RICTOR: variants seen among roughly 807,000 people sequenced by gnomAD.
RICTOR encodes the protein RPTOR independent companion of MTOR complex 2, also known as rapamycin-insensitive companion of mTOR.
Under a neutral mutation model 214.9 loss-of-function variants are expected in RICTOR, and 49 were observed. The observed-to-expected ratio is 0.23, with a 90% CI of 0.18 to 0.29. RICTOR has a LOEUF of 0.29. RICTOR is among the 10% of genes least tolerant of loss of function. RICTOR has a pLI of 1.00. For missense variants in RICTOR, 1,625 were observed against 2,047.0 expected (o/e 0.79, Z 3.98); for synonymous variants, 717 against 711.3 (o/e 1.01, Z -0.13).
chr5:39,004,571 C>T (rs1016487666), intron 3 of RICTOR, among the ~76,000 whole-genome samples: 5 of 151,644 alleles, frequency 3.3e-5, no homozygotes, highest in African/African-American at 4.8e-5. Context: ...GTGATTCTCC[C>T]GCCTCAGCCC....
intron 11 of RICTOR, chr5:38,970,519 C>T (rs780047621): frequency 3.9e-5 from 6 of 152,142 alleles, no homozygotes; most frequent in Admixed American, 6.5e-5. Context: ...CAGATCTTTC[C>T]ATTTATAATT....
chr5:38,954,887 A>G, intron 26 of RICTOR, 26 bp from the exon 27 acceptor site: 6 of 1,208,502 alleles, frequency 5.0e-6, no homozygotes, highest in Non-Finnish European at 7.2e-6. Context: ...TGATTACTAT[A>G]TCTCTTGGCT....
rs190447147 is a variant in RICTOR, at chr5:38,949,970, G to C, written c.3878C>G (p.Ser1293Cys). 10 of 1,613,542 alleles carry C rather than the reference G, an allele frequency of 6.2e-6. No individual in the cohort carries two copies. In the East Asian group the frequency reaches 1.1e-4, roughly 18 times the overall value. ...NSVSLVPPGS[S>C]HTLPRRAQSL... ...CTGTGCTCTTCTAGGAAGCGTATGAGAAGAACCTGGAGGCACCAGGGACAC... is the reference window on the plus strand; with the variant it reads ...CTGTGCTCTTCTAGGAAGCGTATGACAAGAACCTGGAGGCACCAGGGACAC... Residue 1293 changes from serine to cysteine, a missense_variant, in exon 31 of 38, where the codon TCT (serine) becomes TGT (cysteine). Physicochemically the swap from Ser to Cys is moderately radical, Grantham distance 112 (BLOSUM62 -1). Around this residue, in one of 5 missense-constraint regions of RICTOR, gnomAD observed 1,214 missense variants for 1,470.5 expected, o/e 0.83. Coordinates refer to ENST00000357387, the MANE Select transcript of RICTOR (RefSeq NM_152756.5).
intron 3 of RICTOR, among the ~76,000 whole-genome samples, chr5:39,007,522 C>T (rs1004392027): frequency 1.3e-5 from 2 of 152,054 alleles, no homozygotes; most frequent in Admixed American, 6.5e-5. Context: ...ATTCAGCTCA[C>T]AGCATTCCAT....
chr5:38,986,004 T>A (rs1265945732), intron 7 of RICTOR, among the ~76,000 whole-genome samples: 1 of 152,160 alleles, frequency 6.6e-6, no homozygotes, highest in Non-Finnish European at 1.5e-5. Flanking sequence ...GCCTAGAGTT[T>A]ATTATTTTTA....
chr5:39,065,298 G>A (rs1288916558), intron 2 of RICTOR, among the ~76,000 whole-genome samples: 2 of 152,090 alleles, frequency 1.3e-5, no homozygotes, highest in African/African-American at 4.8e-5. Flanking sequence ...ATAACCAGAT[G>A]TTGTGAAAAC....
In RICTOR at chr5:38,940,957, C is replaced by A. The variant is rs1452603723; in HGVS notation, c.*1347G>T. The A allele has an allele frequency of 4.3e-6, 1 of 232,422 alleles. No homozygotes were observed. The highest frequency in any genetic ancestry group is 6.1e-5 in the East Asian group (1 of 16,380). 14.4% of individuals were successfully genotyped at this position (232,422 alleles called of 1,614,324 possible). A position where few individuals can be genotyped will look rare whatever the true frequency, so the allele number is the denominator to read the frequency against. Reference sequence around the variant, plus strand: ...TACACAAATGAATTAAAAAAGAATCCTAATCAGTCCAGCTGGATTTTCTAT... The same window carrying A: ...TACACAAATGAATTAAAAAAGAATCATAATCAGTCCAGCTGGATTTTCTAT... On this transcript the variant is annotated 3_prime_UTR_variant, in exon 38 of 38. Coordinates refer to ENST00000357387, the MANE Select transcript of RICTOR (RefSeq NM_152756.5).
At chr5:39,019,881 G>T (rs531465607) in intron 3 of RICTOR, among the ~76,000 whole-genome samples, 1 of 152,126 alleles carries the variant, frequency 6.6e-6, no homozygotes, top group Non-Finnish European at 1.5e-5. Flanking sequence ...AGGATTTATC[G>T]TTCCAGATGC....
chr5:38,947,267 G>A lies in RICTOR; in HGVS notation c.4311C>T (p.Phe1437=). Residue 1437 remains phenylalanine, a synonymous_variant, in exon 32 of 38, where the codon TTC becomes TTT. Coordinates refer to ENST00000357387, the MANE Select transcript of RICTOR (RefSeq NM_152756.5). The part of the protein sequence containing the change: ...LALPVDINDI[F]QVKDIPYFQT... ...ACAATAAAATGTATGATAATACCTG[G>A]AATATATCATTTATATCCACCGGGA... 6.2e-7 allele frequency: 1 copy of A among 1,603,872 alleles called. No individual in the cohort carries two copies. Among genetic ancestry groups the A allele is most frequent in the Non-Finnish European group, 8.5e-7 (1 of 1,172,870 alleles).
At chr5:39,028,586 CAGTT>C (rs1223111808) in intron 2 of RICTOR, among the ~76,000 whole-genome samples, 1 of 152,162 alleles carries the variant, frequency 6.6e-6, no homozygotes, top group Non-Finnish European at 1.5e-5. Context: ...ATTTCACTCT[CAGTT>C]AGAAATACAT....
At chr5:38,959,452 C>T (rs965820972) in intron 21 of RICTOR, 131 bp from the exon 22 acceptor site, 4 of 627,100 alleles carry the variant, frequency 6.4e-6, no homozygotes, top group African/African-American at 5.6e-5. Flanking sequence ...AAGTGTATAA[C>T]TTGATTTGAT....
intron 11 of RICTOR, chr5:38,971,663 G>A: frequency 2.9e-6 from 1 of 345,138 alleles, no homozygotes; most frequent in Non-Finnish European, 5.2e-6. Context: ...TTACACGCAT[G>A]AGCCACCGTG....
intron 7 of RICTOR, among the ~76,000 whole-genome samples, chr5:38,984,245 A>T (rs1414057234): frequency 6.9e-6 from 1 of 144,524 alleles, no homozygotes; most frequent in Non-Finnish European, 1.5e-5. Context: ...CTCTTCATTT[A>T]TTTATTAATC....
chr5:39,051,852 T>G (rs1206854550), intron 2 of RICTOR, among the ~76,000 whole-genome samples: 1 of 152,230 alleles, frequency 6.6e-6, no homozygotes, highest in Non-Finnish European at 1.5e-5. Context: ...AGGAGTGATA[T>G]GCTAATTTTC....
At chr5:39,056,015 T>C (rs546357602) in intron 2 of RICTOR, among the ~76,000 whole-genome samples, 1 of 152,240 alleles carries the variant, frequency 6.6e-6, no homozygotes, top group Non-Finnish European at 1.5e-5. Flanking sequence ...CCAATTAAAG[T>C]ACTTCTCTTA....
chr5:38,979,890 C>T (rs1319243792), intron 8 of RICTOR, among the ~76,000 whole-genome samples: 3 of 152,202 alleles, frequency 2.0e-5, no homozygotes, highest in Non-Finnish European at 2.9e-5. Context: ...ACTGCAATTA[C>T]GTTTTATCCC....
intron 2 of RICTOR, among the ~76,000 whole-genome samples, chr5:39,037,157 A>G (rs1041797870): frequency 1.4e-4 from 22 of 152,264 alleles, no homozygotes; most frequent in African/African-American, 5.3e-4. Context: ...CTCAGGATTA[A>G]GAAACTCACT....
At chr5:38,967,533 C>T (rs1021611054) in intron 12 of RICTOR, 106 bp from the exon 13 acceptor site, 2 of 785,744 alleles carry the variant, frequency 2.5e-6, no homozygotes, top group Non-Finnish European at 2.1e-6. Context: ...TTAAAAAGTG[C>T]TGGTTAAATA....
intron 6 of RICTOR, 93 bp downstream of exon 6, chr5:38,996,726 C>T: frequency 1.4e-6 from 1 of 729,858 alleles, no homozygotes; most frequent in Non-Finnish European, 2.3e-6. Flanking sequence ...AGTCTTTAAT[C>T]TTAATAAAGA....
Sources: allele counts gnomAD v4.1 joint callset (sites outside exome capture counted in the v4.1 genomes callset), GRCh38; gene constraint gnomAD v4.1.1; regional missense constraint gnomAD v4.1.1; transcripts MANE v1.5; gene names NCBI Gene and HGNC (gene_info 2026-07-23, HGNC 2026-07-21).